Variants in CAMTA1 observed in about 807,000 individuals in gnomAD.
CAMTA1 encodes the protein calmodulin binding transcription activator 1.
A neutral mutation model predicts 170.9 loss-of-function variants in CAMTA1; 27 were observed. The ratio of observed to expected loss-of-function variants is 0.16; its 90% CI spans 0.12 to 0.22. The LOEUF (loss-of-function observed/expected upper bound fraction) is 0.22. CAMTA1 is among the 10% of genes least tolerant of loss of function. The probability of loss-of-function intolerance (pLI) is 1.00; values close to 1 mark genes in which losing one functional copy is unlikely to be tolerated. For missense variants in CAMTA1, 1,619 were observed against 2,217.2 expected, an observed-to-expected ratio of 0.73 and a Z score of 5.42; for synonymous variants, 833 against 891.5, an observed-to-expected ratio of 0.93 and a Z score of 1.17.
chr1:6,921,024 G>A (rs569757974), intron 3 of CAMTA1, among the ~76,000 whole-genome samples: 1 of 152,310 alleles, frequency 6.6e-6, no homozygotes, highest in Non-Finnish European at 1.5e-5. Flanking sequence ...GCAAATTTCT[G>A]CAGCAGGCTT....
At chr1:6,976,303 G>T (rs993648017) in intron 3 of CAMTA1, among the ~76,000 whole-genome samples, 1 of 152,230 alleles carries the variant, frequency 6.6e-6, no homozygotes, top group African/African-American at 2.4e-5. Flanking sequence ...TGCTGTGTGT[G>T]TGTGAGATGG....
intron 6 of CAMTA1, among the ~76,000 whole-genome samples, chr1:7,493,380 CAA>C (rs548334367): frequency 0.098 from 2,354 of 24,082 alleles, 121 homozygotes; most frequent in African/African-American, 0.42. Context: ...TGCGCACACA[CAA>C]ACAAACACGT....
At chr1:7,700,127 G>A (rs150822744) in intron 11 of CAMTA1, among the ~76,000 whole-genome samples, 18 of 151,472 alleles carry the variant, frequency 1.2e-4, no homozygotes, top group East Asian at 1.9e-4. Flanking sequence ...GTTTACTGCC[G>A]TATTTTTTTT....
chr1:7,735,783 GT>G (rs1434402349), intron 12 of CAMTA1, among the ~76,000 whole-genome samples: 6 of 151,800 alleles, frequency 4.0e-5, no homozygotes, highest in African/African-American at 1.2e-4. Flanking sequence ...TGTTGTTGTT[GT>G]TTTTTGAGAC....
chr1:7,296,829 T>C (rs1312309477), intron 5 of CAMTA1, among the ~76,000 whole-genome samples: 1 of 150,686 alleles, frequency 6.6e-6, no homozygotes, highest in African/African-American at 2.4e-5. Context: ...AGAAAGAGTA[T>C]AAAGGAGAGA....
At chr1:6,953,399 C>T (rs747702936) in intron 3 of CAMTA1, among the ~76,000 whole-genome samples, 3 of 152,250 alleles carry the variant, frequency 2.0e-5, no homozygotes, top group Non-Finnish European at 4.4e-5. Flanking sequence ...TGTTCTTTCT[C>T]GCCGCGTGAG....
At chr1:7,708,717 A>G (rs1186027104) in intron 11 of CAMTA1, among the ~76,000 whole-genome samples, 3 of 152,190 alleles carry the variant, frequency 2.0e-5, no homozygotes, top group Non-Finnish European at 4.4e-5. Context: ...TGAAGCACCT[A>G]CTATACATCA....
At position 7,216,800 on chromosome 1, in the gene CAMTA1, G is replaced by A. The variant is rs1228501137; in HGVS notation, c.303-32691G>A. Reference sequence around the variant, plus strand: ...TGCTGGGTGTGAGCCATCAAACCTGGCCTATATTTCCTACAATTTCCTCTC... The same window carrying A: ...TGCTGGGTGTGAGCCATCAAACCTGACCTATATTTCCTACAATTTCCTCTC... On this transcript the variant is annotated intron_variant, in intron 4 of 22. Transcript: ENST00000303635. This position sits in a 1 kb window ranked among gnomAD's most constrained non-coding sequence, Gnocchi z 4.0. Among the ~76,000 whole-genome samples, 4 of 152,080 alleles carry A rather than the reference G, an allele frequency of 2.6e-5. No individual in the cohort carries two copies. The highest frequency in any genetic ancestry group is 7.3e-5 in the African/African-American group (3 of 41,378).
intron 11 of CAMTA1, among the ~76,000 whole-genome samples, chr1:7,717,878 GTTC>G (rs1418951221): frequency 5.9e-5 from 9 of 152,130 alleles, no homozygotes; most frequent in East Asian, 1.9e-4. Flanking sequence ...TCTGTACCTT[GTTC>G]TTCTTGAAGT....
At chr1:7,310,674 T>TC (rs1676473218) in intron 5 of CAMTA1, among the ~76,000 whole-genome samples, 3 of 32,130 alleles carry the variant, frequency 9.3e-5, no homozygotes, top group African/African-American at 1.9e-4. Flanking sequence ...TTTCTTTCCT[T>TC]TCTTTCTCTC....
At chr1:7,766,417 T>A in intron 22 of CAMTA1, 42 bp from the exon 23 acceptor site, 1 of 1,606,446 alleles carries the variant, frequency 6.2e-7, no homozygotes, top group African/African-American at 1.3e-5. Flanking sequence ...CACAATTCAC[T>A]ATAGAGTTAT....
chr1:7,661,976 G>T, intron 8 of CAMTA1, 110 bp downstream of exon 8: 1 of 1,305,808 alleles, frequency 7.7e-7, no homozygotes, highest in Non-Finnish European at 1.0e-6. Flanking sequence ...AGTGAGGGAG[G>T]AGGGGGACAG....
intron 5 of CAMTA1, among the ~76,000 whole-genome samples, chr1:7,278,992 T>G (rs1463141466): frequency 6.6e-6 from 1 of 150,644 alleles, no homozygotes; most frequent in Non-Finnish European, 1.5e-5. Context: ...GGGAGGGCCA[T>G]GAGGAGAAGG....
chr1:7,735,253 T>C (rs186290522), intron 12 of CAMTA1, among the ~76,000 whole-genome samples: 2 of 152,188 alleles, frequency 1.3e-5, no homozygotes, highest in Admixed American at 6.5e-5. Context: ...ACCTAGCACT[T>C]GGGAGGCTGA....
intron 11 of CAMTA1, among the ~76,000 whole-genome samples, chr1:7,714,354 C>A (rs2096593566): frequency 6.6e-6 from 1 of 152,144 alleles, no homozygotes; most frequent in Non-Finnish European, 1.5e-5. Context: ...ACCTTTAAGC[C>A]AATTCATCAG....
intron 4 of CAMTA1, among the ~76,000 whole-genome samples, chr1:7,206,148 G>C (rs1206856623): frequency 6.6e-6 from 1 of 152,096 alleles, no homozygotes; most frequent in Non-Finnish European, 1.5e-5. Flanking sequence ...TTCCCATTGA[G>C]GCTTTTCTGT....
chr1:6,835,817 G>A (rs571366936), intron 3 of CAMTA1, among the ~76,000 whole-genome samples: 35 of 152,278 alleles, frequency 2.3e-4, no homozygotes, highest in African/African-American at 8.4e-4. Flanking sequence ...AGAATGCATA[G>A]GTTTTATTTT....
chr1:7,586,131 C>T (rs1282247182), intron 6 of CAMTA1, among the ~76,000 whole-genome samples: 1 of 152,040 alleles, frequency 6.6e-6, no homozygotes, highest in African/African-American at 2.4e-5. Flanking sequence ...CAGCCAGGCT[C>T]CACTCCCAGC....
chr1:7,093,533 C>T lies in CAMTA1; in HGVS notation c.302+2162C>T, dbSNP rs924022324. The stretch of plus-strand genomic sequence containing the variant: ...TCTCTGGAATGCGTCCTGGGCCAGA[C>T]ATCTGATTTCAGATACGCAGACCCG... On this transcript the variant is annotated intron_variant, in intron 4 of 22. Coordinates refer to ENST00000303635, the MANE Select transcript of CAMTA1 (RefSeq NM_015215.4). This position sits in a 1 kb window ranked among gnomAD's most constrained non-coding sequence, Gnocchi z 4.6. Among the ~76,000 whole-genome samples the T allele has an allele frequency of 1.3e-5, 2 of 152,320 alleles. No homozygotes were observed. The highest frequency in any genetic ancestry group is 4.8e-5 in the African/African-American group (2 of 41,578).
Sources: gnomAD v4.1 joint callset for allele counts (sites outside exome capture counted in the v4.1 genomes callset) on GRCh38, gnomAD v4.1.1 for gene constraint, Gnocchi (gnomAD v3.1) non-coding constraint, MANE v1.5 for transcripts, NCBI Gene and HGNC (gene_info 2026-07-23, HGNC 2026-07-21) for gene names.